The following LRCH3 variants were observed in gnomAD, a reference collection of about 807,000 sequenced individuals.
LRCH3 encodes the protein leucine rich repeats and calponin homology domain containing 3.
A neutral mutation model predicts 104.5 loss-of-function variants in LRCH3; 68 were observed. That is an observed-to-expected ratio of 0.65 (90% CI 0.54 to 0.80). The LOEUF (loss-of-function observed/expected upper bound fraction) is 0.80. LRCH3 is among the 30% of genes least tolerant of loss of function. The pLI, the probability that LRCH3 is intolerant of heterozygous loss-of-function variation, is 0.00. For missense variants in LRCH3, 951 were observed against 953.9 expected, an observed-to-expected ratio of 1.00 and a Z score of 0.04; for synonymous variants, 344 against 361.3, an observed-to-expected ratio of 0.95 and a Z score of 0.54.
At chr3:197,826,412 G>A (rs1414853452) in intron 4 of LRCH3, among the ~76,000 whole-genome samples, 1 of 152,114 alleles carries the variant, frequency 6.6e-6, no homozygotes, top group East Asian at 1.9e-4. Flanking sequence ...CCTGACTTTT[G>A]TCATCCTATT....
intron 10 of LRCH3, among the ~76,000 whole-genome samples, chr3:197,843,733 TC>T (rs1459029274): frequency 1.2e-4 from 18 of 152,144 alleles, no homozygotes; most frequent in African/African-American, 3.9e-4. Flanking sequence ...TTTACTTAGC[TC>T]AAGTAAGTTC....
chr3:197,817,330 ATG>A (rs1491454235), intron 3 of LRCH3, 28 bp downstream of exon 3: 187 of 1,281,084 alleles, frequency 1.5e-4, no homozygotes, highest in Non-Finnish European at 1.5e-4. Flanking sequence ...ATTGTCCAAC[ATG>A]TGTGTGTGTG....
Position 197,883,398 on chromosome 3 carries a change from C to G in LRCH3, c.2209-143C>G, listed in dbSNP as rs1713955695. On this transcript the variant is annotated intron_variant, in intron 20 of 20. Transcript: ENST00000425562. The surrounding 1 kb of genome is among the most constrained non-coding windows in gnomAD (Gnocchi z 4.2). ...ACCATCTCTCTAACTCATATTTACA[C>G]TGAGGTCAGTTTCCCAGGTACTAAT... 1.4e-6 allele frequency: 2 copies of G among 1,397,720 alleles called. No homozygotes were observed. The highest frequency in any genetic ancestry group is 2.9e-5 in the African/African-American group (2 of 68,706). The allele number at this position is 1,397,720 out of a possible 1,614,324, so 86.6% of individuals were successfully genotyped here.
chr3:197,881,417 G>A, intron 20 of LRCH3: 2 of 985,592 alleles, frequency 2.0e-6, no homozygotes, highest in Non-Finnish European at 2.4e-6. Context: ...CTGCACACGA[G>A]CAGATGGGCT....
chr3:197,843,213 T>C (rs893729802), intron 10 of LRCH3, among the ~76,000 whole-genome samples: 3 of 152,122 alleles, frequency 2.0e-5, no homozygotes, highest in Admixed American at 6.5e-5. Flanking sequence ...AATATAGAAT[T>C]AACATTTAGA....
chr3:197,876,477 G>T (rs560914663), intron 20 of LRCH3: 6 of 152,104 alleles, frequency 3.9e-5, no homozygotes, highest in Admixed American at 3.9e-4. Context: ...ATGCGATTAA[G>T]GGAAATGAAC....
intron 4 of LRCH3, among the ~76,000 whole-genome samples, chr3:197,826,148 T>C (rs1735177316): frequency 1.3e-5 from 2 of 152,232 alleles, no homozygotes; most frequent in South Asian, 4.1e-4. Flanking sequence ...GCAGAAATTG[T>C]ATAATGGTAA....
At chr3:197,794,672 G>A (rs1730987803) in intron 1 of LRCH3, among the ~76,000 whole-genome samples, 1 of 152,110 alleles carries the variant, frequency 6.6e-6, no homozygotes, top group Admixed American at 6.6e-5. Flanking sequence ...TGAACTTATT[G>A]GGAACGTTTT....
chr3:197,844,741 C>T (rs1738360401), intron 10 of LRCH3, among the ~76,000 whole-genome samples: 1 of 152,134 alleles, frequency 6.6e-6, no homozygotes, highest in African/African-American at 2.4e-5. Context: ...CCTCAGCCTT[C>T]TGAGTAGCTG....
Position 197,819,088 on chromosome 3 carries a change from T to C in LRCH3, c.535-1237T>C, listed in dbSNP as rs185412936. Reference sequence around the variant, plus strand: ...TTGCAGTGAGCCGAGATCACACCACTGCACTCCAGCCTGGGCAACAGAGTG... The same window carrying C: ...TTGCAGTGAGCCGAGATCACACCACCGCACTCCAGCCTGGGCAACAGAGTG... On this transcript the variant is annotated intron_variant, in intron 3 of 20. Coordinates refer to ENST00000425562, the MANE Select transcript of LRCH3 (RefSeq NM_001365715.1). Among the ~76,000 whole-genome samples the C allele has an allele frequency of 4.3e-3, 638 of 147,802 alleles. 5 individuals are homozygous for C. Among genetic ancestry groups the C allele is most frequent in the African/African-American group, 0.015 (602 of 39,772 alleles).
At chr3:197,830,895 C>T in intron 7 of LRCH3, 32 bp downstream of exon 7, 2 of 1,479,034 alleles carry the variant, frequency 1.4e-6, no homozygotes, top group South Asian at 2.3e-5. Flanking sequence ...TGTGTTATAA[C>T]ACCTGATTAA....
intron 1 of LRCH3, among the ~76,000 whole-genome samples, chr3:197,808,380 T>G (rs574877731): frequency 6.6e-6 from 1 of 152,346 alleles, no homozygotes; most frequent in Non-Finnish European, 1.5e-5. Flanking sequence ...TATTTTATTG[T>G]GGCAGCTCTA....
Position 197,875,776 on chromosome 3 carries a change from GTAATAAATT to G in LRCH3, c.2208+4_2208+12del. 6.6e-7 allele frequency: 1 copy of G among 1,523,858 alleles called. No homozygotes were observed. The highest frequency in any genetic ancestry group is 8.8e-7 in the Non-Finnish European group (1 of 1,137,358). 94.4% of individuals were successfully genotyped at this position (1,523,858 alleles called of 1,614,324 possible). A position where few individuals can be genotyped will look rare whatever the true frequency, so the allele number is the denominator to read the frequency against. ...TTGCAGAAAAATTGGTGTACCTCAG[GTAATAAATT>G]TATCATTTTTTATGTTGCCTAAATA... On this transcript the variant is annotated splice_donor_variant and splice_donor_5th_base_variant and intron_variant, in intron 20 of 20. Coordinates refer to ENST00000425562, the MANE Select transcript of LRCH3 (RefSeq NM_001365715.1). LOFTEE classifies it high-confidence loss of function.
At chr3:197,795,725 C>T (rs958526827) in intron 1 of LRCH3, among the ~76,000 whole-genome samples, 2 of 129,008 alleles carry the variant, frequency 1.6e-5, no homozygotes, top group Admixed American at 1.8e-4. Flanking sequence ...TGGAGTCTCG[C>T]TCTGTCACCC....
At chr3:197,834,638 A>C (rs565639416) in intron 8 of LRCH3, among the ~76,000 whole-genome samples, 24 of 152,336 alleles carry the variant, frequency 1.6e-4, no homozygotes, top group African/African-American at 5.8e-4. Flanking sequence ...AAAACACGAA[A>C]ACACAAAGAT....
intron 17 of LRCH3, 54 bp from the exon 18 acceptor site, chr3:197,870,106 G>A (rs960617608): frequency 6.9e-6 from 11 of 1,585,166 alleles, no homozygotes; most frequent in Middle Eastern, 1.7e-4. Flanking sequence ...AGAGCCGGAT[G>A]TTCTCCTAGC....
At chr3:197,808,494 T>G (rs912240346) in intron 1 of LRCH3, among the ~76,000 whole-genome samples, 2 of 152,224 alleles carry the variant, frequency 1.3e-5, no homozygotes, top group Admixed American at 1.3e-4. Context: ...TTAGATTACA[T>G]CTGCTGCTAC....
In LRCH3 at chr3:197,835,036, T is replaced by C. The variant is rs371704605; in HGVS notation, c.1103-638T>C. ...GTGCACACCTGTAATCCCAGCTACT[T>C]GGGAGGCTGAGGCAGGAGAATCGCT... is the stretch of plus-strand genomic sequence containing the variant. On this transcript the variant is annotated intron_variant, in intron 8 of 20. Transcript: ENST00000425562. Among the ~76,000 whole-genome samples the C allele has an allele frequency of 1.5e-3, 230 of 152,010 alleles. 7 individuals are homozygous for C. The East Asian group carries it at 0.025, about 16-fold the overall frequency.
intron 1 of LRCH3, among the ~76,000 whole-genome samples, chr3:197,798,671 T>C (rs1441338731): frequency 6.6e-6 from 1 of 152,254 alleles, no homozygotes; most frequent in East Asian, 1.9e-4. Flanking sequence ...TATGGTTTCA[T>C]TAGTCTTGGA....
Sources: allele counts gnomAD v4.1 joint callset (sites outside exome capture counted in the v4.1 genomes callset), GRCh38; gene constraint gnomAD v4.1.1; non-coding constraint Gnocchi (gnomAD v3.1); transcripts MANE v1.5; gene names NCBI Gene and HGNC (gene_info 2026-07-23, HGNC 2026-07-21).